Variants in LAMA3 observed in about 807,000 individuals in gnomAD.
LAMA3 encodes laminin subunit alpha-3.
LAMA3 carries 281 observed loss-of-function variants against 402.0 expected under a neutral mutation model. The observed-to-expected ratio is 0.70, with a 90% CI of 0.63 to 0.77. The LOEUF is 0.77. Among genes scored for constraint, LAMA3 ranks in the 30% least tolerant of loss-of-function variants. The pLI is 0.00. For missense variants in LAMA3, 3,840 were observed against 4,215.5 expected, an observed-to-expected ratio of 0.91 and a Z score of 2.47; for synonymous variants, 1,431 against 1,558.4, an observed-to-expected ratio of 0.92 and a Z score of 1.93.
chr18:23,817,111 G>A (rs2063190653), intron 18 of LAMA3, among the ~76,000 whole-genome samples: 1 of 152,148 alleles, frequency 6.6e-6, no homozygotes, highest in Non-Finnish European at 1.5e-5. Context: ...CTTTGGAAGT[G>A]GGGAAGAAGT....
intron 1 of LAMA3, among the ~76,000 whole-genome samples, chr18:23,690,827 A>G (rs1040443640): frequency 6.6e-6 from 1 of 151,340 alleles, no homozygotes; most frequent in African/African-American, 2.4e-5. Context: ...CCGGGGCTGA[A>G]ATGCAATGGT....
intron 62 of LAMA3, among the ~76,000 whole-genome samples, chr18:23,925,713 C>T (rs895370251): frequency 6.6e-6 from 1 of 152,198 alleles, no homozygotes; most frequent in Non-Finnish European, 1.5e-5. Context: ...TATGTTCAGA[C>T]CCTGTATCCT....
chr18:23,764,952 A>G lies in LAMA3; in HGVS notation c.1182+1429A>G, dbSNP rs181431648. On this transcript the variant is annotated intron_variant, in intron 8 of 74. Transcript: ENST00000313654. ...AGAATGGGTCATATTTTAGGTGTTC[A>G]TATGATAAACTATGGGCAAAATACA... Among the ~76,000 whole-genome samples, 431 of 152,280 alleles carry G rather than the reference A, an allele frequency of 2.8e-3. 3 individuals carry two copies. Among genetic ancestry groups the G allele is most frequent in the African/African-American group, 9.9e-3 (413 of 41,550 alleles).
In LAMA3 at chr18:23,894,900, C is replaced by T. The variant is rs766873824; in HGVS notation, c.5462-7C>T. 1.9e-6 allele frequency: 3 copies of T among 1,614,050 alleles called. No individual in the cohort carries two copies. The highest frequency in any genetic ancestry group is 2.2e-5 in the East Asian group (1 of 44,890). On this transcript the variant is annotated splice_region_variant and splice_polypyrimidine_tract_variant and intron_variant, in intron 43 of 74. Transcript: ENST00000313654. ...AGCACATTTGCCTTTGATTGTGGCCCCTACAGATTGCGACAGCTGTGTGAT... is the reference window on the plus strand; with the variant it reads ...AGCACATTTGCCTTTGATTGTGGCCTCTACAGATTGCGACAGCTGTGTGAT...
intron 20 of LAMA3, 39 bp from the exon 21 acceptor site, chr18:23,824,384 T>C: frequency 6.2e-7 from 1 of 1,610,676 alleles, no homozygotes; most frequent in East Asian, 2.2e-5. Flanking sequence ...CACTGACTGA[T>C]AGAAAAATGC....
chr18:23,871,076 G>A (rs1417239878), intron 37 of LAMA3, among the ~76,000 whole-genome samples: 1 of 152,184 alleles, frequency 6.6e-6, no homozygotes, highest in Non-Finnish European at 1.5e-5. Flanking sequence ...TGAATGACCT[G>A]AGCTGCATGA....
intron 6 of LAMA3, among the ~76,000 whole-genome samples, chr18:23,754,580 C>A (rs372755052): frequency 3.5e-4 from 54 of 152,304 alleles, no homozygotes; most frequent in African/African-American, 1.3e-3. Context: ...TCCATTCATT[C>A]GTGGATACAC....
rs747322689 is a variant in LAMA3 at position 23,842,711 on chromosome 18, C to T, written c.3564C>T (p.Ala1188=). The T allele has an allele frequency of 2.0e-5, 32 of 1,614,106 alleles. No individual in the cohort carries two copies. The highest frequency in any genetic ancestry group is 2.7e-5 in the African/African-American group (2 of 74,942). Residue 1188 remains alanine (A), a synonymous_variant, in exon 29 of 75, where the codon GCC becomes GCT. Transcript: ENST00000313654. ...IEFDISEPEV[A]ATVKVPEGKS... Reference sequence around the variant, plus strand: ...TTGACATCTCAGAGCCTGAAGTGGCCGCAACTGTGAAGGTTCCAGAAGGAA... The same window carrying T: ...TTGACATCTCAGAGCCTGAAGTGGCTGCAACTGTGAAGGTTCCAGAAGGAA...
intron 12 of LAMA3, among the ~76,000 whole-genome samples, chr18:23,792,913 G>A (rs2062687667): frequency 6.6e-6 from 1 of 152,118 alleles, no homozygotes; most frequent in South Asian, 2.1e-4. Context: ...ATAATAGAGT[G>A]TATTAATAGG....
Position 23,920,936 on chromosome 18 carries a change from A to G in LAMA3, c.7925A>G (p.Asp2642Gly). Reference sequence around the variant, plus strand: ...ATCTGCATTGTTCCTCTGTCCTAGGATCGCTTCATATCTCTAAATATAGAA... The same window carrying G: ...ATCTGCATTGTTCCTCTGTCCTAGGGTCGCTTCATATCTCTAAATATAGAA... ...RGLLFFAENG[D>G]RFISLNIEDG... Residue 2642 changes from aspartate to glycine, a missense_variant and splice_region_variant, in exon 61 of 75, where the codon GAT becomes GGT. Asp to Gly is a moderately conservative substitution (Grantham distance 94, BLOSUM62 -1). This residue lies in a region of LAMA3 where 840 missense variants were observed against 981.9 expected (regional missense o/e 0.86). Coordinates refer to ENST00000313654, the MANE Select transcript of LAMA3 (RefSeq NM_198129.4). The G allele has an allele frequency of 6.2e-7, 1 of 1,613,946 alleles. No individual in the cohort carries two copies. Among genetic ancestry groups the G allele is most frequent in the African/African-American group, 1.3e-5 (1 of 75,008 alleles).
chr18:23,846,436 T>G lies in LAMA3; in HGVS notation c.3859T>G (p.Cys1287Gly). The G allele has an allele frequency of 6.2e-7, 1 of 1,613,894 alleles. No homozygotes were observed. The change falls in exon 31 of 75, where the codon TGC becomes GGC. Residue 1287 changes from cysteine (C) to glycine (G), a missense_variant. This residue lies in a region of LAMA3 where 2,109 missense variants were observed against 2,376.0 expected (regional missense o/e 0.89). Transcript: ENST00000313654. ...HCSPEGGQCPCQPNVIGRQCT... is the reference protein window; with the variant it reads ...HCSPEGGQCPGQPNVIGRQCT... The stretch of plus-strand genomic sequence containing the variant: ...CAGCCCTGAGGGTGGGCAGTGCCCA[T>G]GCCAGCCCAACGTCATCGGGCGGCA...
At position 23,718,497 on chromosome 18, in the gene LAMA3, T is replaced by C. The variant is rs2061150879; in HGVS notation, c.447+4425T>C. ...TTATTTTGTTATTTAAACCTGTTAG[T>C]AGTAAAAATAAACAAAGACAATCCC... is the stretch of plus-strand genomic sequence containing the variant. On this transcript the variant is annotated intron_variant, in intron 2 of 74. Coordinates refer to ENST00000313654, the MANE Select transcript of LAMA3 (RefSeq NM_198129.4). Among the ~76,000 whole-genome samples the C allele has an allele frequency of 2.0e-5, 3 of 152,132 alleles. No individual in the cohort carries two copies. In the South Asian group the frequency reaches 6.2e-4, roughly 31 times the overall value.
At chr18:23,714,823 T>TC (rs2061065812) in intron 2 of LAMA3, among the ~76,000 whole-genome samples, 1 of 152,182 alleles carries the variant, frequency 6.6e-6, no homozygotes, top group East Asian at 1.9e-4. Context: ...AAACAGCAAC[T>TC]CCCCATTCCC....
At chr18:23,826,229 G>T (rs80136554) in intron 21 of LAMA3, among the ~76,000 whole-genome samples, 133 of 152,294 alleles carry the variant, frequency 8.7e-4, no homozygotes, top group African/African-American at 3.2e-3. Flanking sequence ...TCTTGGGACA[G>T]GCAGTAGGCC....
At chr18:23,939,818 A>T (rs1405810416) in intron 68 of LAMA3, among the ~76,000 whole-genome samples, 2 of 152,238 alleles carry the variant, frequency 1.3e-5, no homozygotes, top group African/African-American at 2.4e-5. Flanking sequence ...TTTTGCGCTA[A>T]CAAGTTGCAC....
At chr18:23,827,080 G>A (rs1022578408) in intron 22 of LAMA3, among the ~76,000 whole-genome samples, 6 of 152,202 alleles carry the variant, frequency 3.9e-5, no homozygotes, top group African/African-American at 1.4e-4. Context: ...ACATCTGGTG[G>A]GAGGAAGAGC....
At chr18:23,925,773 T>TC (rs1275833856) in intron 62 of LAMA3, among the ~76,000 whole-genome samples, 1 of 151,982 alleles carries the variant, frequency 6.6e-6, no homozygotes, top group Admixed American at 6.6e-5. Context: ...GTAACAAGAA[T>TC]CCCCCCAGGA....
At position 23,833,995 on chromosome 18, in the gene LAMA3, A is replaced by C. The variant is rs1171013554; in HGVS notation, c.2984+7A>C. ...TTTACAGCTGCAACTACAGGTACTC[A>C]GCCCCACCAAGGGAATTCCTCTGTA... On this transcript the variant is annotated splice_region_variant and intron_variant, in intron 24 of 74. Transcript: ENST00000313654. 1 of 1,614,178 alleles carries C rather than the reference A, an allele frequency of 6.2e-7. No individual in the cohort carries two copies. Among genetic ancestry groups the C allele is most frequent in the Admixed American group, 1.7e-5 (1 of 60,026 alleles).
chr18:23,744,737 C>T (rs193133800), intron 2 of LAMA3, among the ~76,000 whole-genome samples: 18 of 145,362 alleles, frequency 1.2e-4, no homozygotes, highest in African/African-American at 2.8e-4. Flanking sequence ...GAGGCTGAGG[C>T]AGGAGAATGG....
Sources: gnomAD v4.1 joint callset for allele counts (sites outside exome capture counted in the v4.1 genomes callset) on GRCh38, gnomAD v4.1.1 for gene constraint, gnomAD v4.1.1 regional missense constraint, MANE v1.5 for transcripts, NCBI Gene and HGNC (gene_info 2026-07-23, HGNC 2026-07-21) for gene names.